The following DDX39B variants were observed in gnomAD, a reference collection of about 807,000 sequenced individuals.
The protein encoded by DDX39B is spliceosome RNA helicase DDX39B.
DDX39B carries 6 observed loss-of-function variants against 46.4 expected under a neutral mutation model. The observed-to-expected ratio is 0.13, with a 90% CI of 0.07 to 0.26. DDX39B has a LOEUF of 0.26. DDX39B is among the 10% of genes least tolerant of loss of function. The probability of loss-of-function intolerance (pLI) is 1.00; values close to 1 mark genes in which losing one functional copy is unlikely to be tolerated. For synonymous variants in DDX39B, 174 were observed against 199.4 expected (o/e 0.87, Z 1.07); for missense variants, 185 against 553.4 (o/e 0.33, Z 6.68).
chr6:31,534,502 T>A lies in DDX39B; in HGVS notation c.735+865A>T. The A allele has an allele frequency of 2.1e-6, 1 of 470,100 alleles. No homozygotes were observed. The highest frequency in any genetic ancestry group is 1.6e-5 in the South Asian group (1 of 64,430). 29.1% of individuals were successfully genotyped at this position (470,100 alleles called of 1,614,324 possible). ...CCACTTTACCTTTCCTATGTCCCTCTCCTCTGAGTATTAAAAAAAACAAAA... is the reference window on the plus strand; with the variant it reads ...CCACTTTACCTTTCCTATGTCCCTCACCTCTGAGTATTAAAAAAAACAAAA... On this transcript the variant is annotated intron_variant, in intron 6 of 10. Transcript: ENST00000396172. This position sits in a 1 kb window ranked among gnomAD's most constrained non-coding sequence, Gnocchi z 5.1.
intron 3 of DDX39B, 128 bp from the exon 4 acceptor site, chr6:31,538,983 G>A (rs752326949): frequency 2.0e-6 from 3 of 1,488,240 alleles, no homozygotes; most frequent in Admixed American, 1.7e-5. Context: ...TCTAAATCAT[G>A]AACCCCACGC....
In DDX39B at chr6:31,534,658, G is replaced by C. The variant is rs1433529445; in HGVS notation, c.735+709C>G. On this transcript the variant is annotated intron_variant, in intron 6 of 10. Transcript: ENST00000396172. The surrounding 1 kb of genome is among the most constrained non-coding windows in gnomAD (Gnocchi z 5.1). The stretch of plus-strand genomic sequence containing the variant: ...GGGAACGGAAAAAGAGGCTGGTTTG[G>C]TCCTCAGCTTCCTGGTCAGGTTTCC... 1 of 364,590 alleles carries C rather than the reference G, an allele frequency of 2.7e-6. No homozygotes were observed. Among genetic ancestry groups the C allele is most frequent in the Non-Finnish European group, 5.4e-6 (1 of 186,268 alleles). 22.6% of individuals were successfully genotyped at this position (364,590 alleles called of 1,614,324 possible). A position where few individuals can be genotyped will look rare whatever the true frequency, so the allele number is the denominator to read the frequency against.
intron 1 of DDX39B, chr6:31,541,326 C>G: frequency 2.4e-6 from 1 of 412,180 alleles, no homozygotes; most frequent in Non-Finnish European, 5.0e-6. Flanking sequence ...CATGTCTCCA[C>G]CCTACAATAA....
chr6:31,532,813 G>C lies in DDX39B; in HGVS notation c.834C>G (p.Leu278=). The change falls in exon 7 of 11, where the codon CTC becomes CTG. Residue 278 remains leucine, a synonymous_variant. Coordinates refer to ENST00000396172, the MANE Select transcript of DDX39B (RefSeq NM_004640.7). ...ACTCAAGGACATCCAGAAGGTCAAA[G>C]AGCTTCCGGTTCTTCTCGTTGTCCT... ...KLKDNEKNRK[L]FDLLDVLEFN... The C allele has an allele frequency of 6.2e-7, 1 of 1,610,674 alleles. No individual in the cohort carries two copies. Among genetic ancestry groups the C allele is most frequent in the South Asian group, 1.1e-5 (1 of 90,996 alleles).
intron 2 of DDX39B, among the ~76,000 whole-genome samples, chr6:31,539,802 G>A (rs191951635): frequency 4.6e-4 from 70 of 152,150 alleles, no homozygotes; most frequent in Non-Finnish European, 8.5e-4. Context: ...GGACCTTTCT[G>A]GAAATTTAAA....
rs568374580 is a variant in DDX39B at position 31,532,603 on chromosome 6, T to A, written c.867+177A>T. On this transcript the variant is annotated intron_variant, in intron 7 of 10. Coordinates refer to ENST00000396172, the MANE Select transcript of DDX39B (RefSeq NM_004640.7). Reference sequence around the variant, plus strand: ...ATTGAGGACATACCCGTGCCAGCCATAGAATAGAAAAGCAGCTCCCACCTT... The same window carrying A: ...ATTGAGGACATACCCGTGCCAGCCAAAGAATAGAAAAGCAGCTCCCACCTT... The A allele has an allele frequency of 1.5e-5, 11 of 726,098 alleles. No individual in the cohort carries two copies. In the South Asian group the frequency reaches 2.0e-4, roughly 13 times the overall value. The allele number at this position is 726,098 out of a possible 1,614,324, so 45.0% of individuals were successfully genotyped here.
Position 31,531,550 on chromosome 6 carries a change from T to G in DDX39B, c.868-145A>C. ...TTCTCTTATTCCCCCACTATATATT[T>G]AGAGCAGAAAAGGAAATATAACTTT... On this transcript the variant is annotated intron_variant, in intron 7 of 10. Coordinates refer to ENST00000396172, the MANE Select transcript of DDX39B (RefSeq NM_004640.7). The surrounding 1 kb of genome is among the most constrained non-coding windows in gnomAD (Gnocchi z 5.8). 2 of 705,294 alleles carry G rather than the reference T, an allele frequency of 2.8e-6. No homozygotes were observed. Among genetic ancestry groups the G allele is most frequent in the Non-Finnish European group, 4.8e-6 (2 of 418,034 alleles). The allele number at this position is 705,294 out of a possible 1,614,324, so 43.7% of individuals were successfully genotyped here.
At position 31,540,606 on chromosome 6, in the gene DDX39B, A is replaced by C. The variant is rs1186482818; in HGVS notation, c.-74T>G. Reference sequence around the variant, plus strand: ...GCAAAATAGGTGAAAACAAGGGGTGAAGAGTAGGGGATTGAGGAACAGCAA... The same window carrying C: ...GCAAAATAGGTGAAAACAAGGGGTGCAGAGTAGGGGATTGAGGAACAGCAA... On this transcript the variant is annotated 5_prime_UTR_variant, in exon 2 of 11. Transcript: ENST00000396172. 7.1e-7 allele frequency: 1 copy of C among 1,403,444 alleles called. No homozygotes were observed. Among genetic ancestry groups the C allele is most frequent in the East Asian group, 2.3e-5 (1 of 43,722 alleles). 86.9% of individuals were successfully genotyped at this position (1,403,444 alleles called of 1,614,324 possible).
In DDX39B at chr6:31,532,784, T is replaced by A. The variant is rs745700709; in HGVS notation, c.863A>T (p.Asn288Ile). Reference sequence around the variant, plus strand: ...CCTACTGGACGTCTAACTGACCTGGTTGAACTCAAGGACATCCAGAAGGTC... The same window carrying A: ...CCTACTGGACGTCTAACTGACCTGGATGAACTCAAGGACATCCAGAAGGTC... ...LFDLLDVLEFNQVVIFVKSVQ... is the reference protein window; with the variant it reads ...LFDLLDVLEFIQVVIFVKSVQ... The change falls in exon 7 of 11, where the codon AAC (asparagine) becomes ATC (isoleucine). Residue 288 changes from asparagine to isoleucine, a missense_variant. By Grantham distance (149) the Asn-to-Ile change is moderately radical. Around this residue, in one of 5 missense-constraint regions of DDX39B, gnomAD observed 110 missense variants for 282.2 expected, o/e 0.39. Coordinates refer to ENST00000396172, the MANE Select transcript of DDX39B (RefSeq NM_004640.7). 1 of 1,610,366 alleles carries A rather than the reference T, an allele frequency of 6.2e-7. No homozygotes were observed. Among genetic ancestry groups the A allele is most frequent in the East Asian group, 2.2e-5 (1 of 44,858 alleles).
In DDX39B at chr6:31,535,384, G is replaced by A. The variant is rs1157085249; in HGVS notation, c.718C>T (p.Arg240Cys). The change falls in exon 6 of 11, where the codon CGC (arginine) becomes TGC (cysteine). Residue 240 changes from arginine to cysteine, a missense_variant. Physicochemically the swap from Arg to Cys is radical, Grantham distance 180. This residue lies in a region of DDX39B where 110 missense variants were observed against 282.2 expected (regional missense o/e 0.39). Coordinates refer to ENST00000396172, the MANE Select transcript of DDX39B (RefSeq NM_004640.7). The surrounding 1 kb of genome is among the most constrained non-coding windows in gnomAD (Gnocchi z 4.6). ...TLSKEIRPVC[R>C]KFMQDPMEIF... ...GTATTTACATCTTGCATGAACTTGC[G>A]GCAGACTGGACGGATCTCTTTGCTC... 1.2e-6 allele frequency: 2 copies of A among 1,613,398 alleles called. No homozygotes were observed. Among genetic ancestry groups the A allele is most frequent in the Non-Finnish European group, 1.7e-6 (2 of 1,180,002 alleles).
At chr6:31,541,006 GA>G (rs1768360854) in intron 1 of DDX39B, 1 of 451,140 alleles carries the variant, frequency 2.2e-6, no homozygotes, top group South Asian at 1.6e-5. Flanking sequence ...TAGTAAAGTG[GA>G]AAATGGAGAT....
intron 1 of DDX39B, chr6:31,541,707 A>G (rs778442218): frequency 1.8e-6 from 1 of 558,894 alleles, no homozygotes; most frequent in South Asian, 1.5e-5. Context: ...CCATTGGAAG[A>G]AGGGAGCAAA....
intron 1 of DDX39B, chr6:31,541,227 C>T (rs1768398183): frequency 1.9e-6 from 1 of 533,424 alleles, no homozygotes; most frequent in Non-Finnish European, 3.8e-6. Flanking sequence ...CAGTATCCTC[C>T]CTTCCGCTGT....
intron 2 of DDX39B, 121 bp from the exon 3 acceptor site, chr6:31,539,395 C>A: frequency 2.8e-6 from 4 of 1,422,398 alleles, no homozygotes; most frequent in Non-Finnish European, 3.8e-6. Context: ...TTACCTGGTT[C>A]TTGCCAACTT....
chr6:31,531,182 C>G lies in DDX39B; in HGVS notation c.993G>C (p.Gln331His). ...MPQEERLSRY[Q>H]QFKDFQRRIL... ...TTCGTCGTTGAAAATCTTTAAACTG[C>G]TGATACCGAGAAAGCCTTTGTGAGA... The change falls in exon 9 of 11, where the codon CAG becomes CAC. Residue 331 changes from glutamine to histidine, a missense_variant. By Grantham distance (24) the Gln-to-His change is conservative. Coordinates refer to ENST00000396172, the MANE Select transcript of DDX39B (RefSeq NM_004640.7). This position sits in a 1 kb window ranked among gnomAD's most constrained non-coding sequence, Gnocchi z 5.8. 1 of 1,614,242 alleles carries G rather than the reference C, an allele frequency of 6.2e-7. No individual in the cohort carries two copies.
intron 2 of DDX39B, 66 bp from the exon 3 acceptor site, chr6:31,539,340 C>A: frequency 6.4e-7 from 1 of 1,572,016 alleles, no homozygotes. Context: ...CCTTTTTCAC[C>A]ATGCCAAGCC....
At position 31,535,488 on chromosome 6, in the gene DDX39B, A is replaced by G; in HGVS notation, c.617-3T>C. 3.7e-6 allele frequency: 6 copies of G among 1,608,754 alleles called. 1 individual carries two copies. Among genetic ancestry groups the G allele is most frequent in the South Asian group, 3.3e-5 (3 of 90,954 alleles). The stretch of plus-strand genomic sequence containing the variant: ...TTCCTGGACATCCCGACGCATGTCT[A>G]CAAGAACAAGGAAAAAAATTGTAGG... On this transcript the variant is annotated splice_region_variant and splice_polypyrimidine_tract_variant and intron_variant, in intron 5 of 10. Transcript: ENST00000396172. This position sits in a 1 kb window ranked among gnomAD's most constrained non-coding sequence, Gnocchi z 4.6.
chr6:31,536,309 A>G, intron 5 of DDX39B, 191 bp downstream of exon 5: 2 of 838,830 alleles, frequency 2.4e-6, no homozygotes, highest in South Asian at 1.4e-5. Context: ...AAAATCATAG[A>G]AAGATGATAG....
rs564495588 is a variant in DDX39B, at chr6:31,530,984, G to A, written c.1123-58C>T. The A allele has an allele frequency of 1.2e-6, 2 of 1,613,462 alleles. No homozygotes were observed. The highest frequency in any genetic ancestry group is 1.7e-5 in the Admixed American group (1 of 60,006). Reference sequence around the variant, plus strand: ...CGAAGAGGAAAGAGACCCAGAGGCAGGAATGAAGATGTACAAACAGAAAAC... The same window carrying A: ...CGAAGAGGAAAGAGACCCAGAGGCAAGAATGAAGATGTACAAACAGAAAAC... On this transcript the variant is annotated intron_variant, in intron 9 of 10. Coordinates refer to ENST00000396172, the MANE Select transcript of DDX39B (RefSeq NM_004640.7). This position sits in a 1 kb window ranked among gnomAD's most constrained non-coding sequence, Gnocchi z 4.5.
Sources: gnomAD v4.1 joint callset for allele counts (sites outside exome capture counted in the v4.1 genomes callset) on GRCh38, gnomAD v4.1.1 for gene constraint, gnomAD v4.1.1 regional missense constraint, Gnocchi (gnomAD v3.1) non-coding constraint, MANE v1.5 for transcripts, NCBI Gene and HGNC (gene_info 2026-07-23, HGNC 2026-07-21) for gene names.